PLCD1: variants seen among roughly 807,000 people sequenced by gnomAD.
PLCD1 encodes phospholipase C delta 1, also known as 1-phosphatidylinositol 4,5-bisphosphate phosphodiesterase delta-1.
Under a neutral mutation model 87.4 loss-of-function variants are expected in PLCD1, and 71 were observed. That is an observed-to-expected ratio of 0.81 (90% CI 0.67 to 0.99). The LOEUF (loss-of-function observed/expected upper bound fraction) is 0.99. Ranked by LOEUF, PLCD1 falls within the 50% of genes least tolerant of loss-of-function variation. The pLI is 0.00. For missense variants in PLCD1, 867 were observed against 1,001.5 expected, an observed-to-expected ratio of 0.87 and a Z score of 1.81; for synonymous variants, 348 against 399.2, an observed-to-expected ratio of 0.87 and a Z score of 1.53.
Position 38,022,777 on chromosome 3 carries a change from T to C in PLCD1, c.35-2425A>G, listed in dbSNP as rs187254397. Among the ~76,000 whole-genome samples the C allele has an allele frequency of 7.3e-4, 111 of 152,250 alleles. 1 individual carries two copies. In the East Asian group the frequency reaches 0.019, roughly 26 times the overall value. Reference sequence around the variant, plus strand: ...CTCTTAGCCTCATTTGGGGCCCTTCTGTTCCCAAAGCTTCTGGACTTCCTG... The same window carrying C: ...CTCTTAGCCTCATTTGGGGCCCTTCCGTTCCCAAAGCTTCTGGACTTCCTG... On this transcript the variant is annotated intron_variant, in intron 1 of 14. Coordinates refer to ENST00000334661, the MANE Select transcript of PLCD1 (RefSeq NM_006225.4).
Position 38,029,514 on chromosome 3 carries a change from G to A in PLCD1, c.26C>T (p.Thr9Ile), listed in dbSNP as rs1700341839. 1 of 1,539,250 alleles carries A rather than the reference G, an allele frequency of 6.5e-7. No homozygotes were observed. The highest frequency in any genetic ancestry group is 1.4e-5 in the African/African-American group (1 of 72,990). Residue 9 changes from threonine to isoleucine, a missense_variant, in exon 1 of 15, where the codon ACC (threonine) becomes ATC (isoleucine). By Grantham distance (89) the Thr-to-Ile change is moderately conservative (BLOSUM62 -1). Coordinates refer to ENST00000334661, the MANE Select transcript of PLCD1 (RefSeq NM_006225.4). Reference protein sequence around the residue: MDSGRDFLTLHGLQDDEDL... With the variant: MDSGRDFLILHGLQDDEDL... ...GCGGGCCAGGCACTCACCGTGCAGG[G>A]TCAGGAAGTCCCGGCCCGAGTCCAT...
rs1377962337 is a variant in PLCD1 at position 38,020,268 on chromosome 3, C to T, written c.119G>A (p.Arg40His). The change falls in exon 2 of 15, where the codon CGC (arginine) becomes CAC (histidine). Residue 40 changes from arginine to histidine, a missense_variant. Coordinates refer to ENST00000334661, the MANE Select transcript of PLCD1 (RefSeq NM_006225.4). Reference protein sequence around the residue: ...KVKSSSWRRERFYKLQEDCKT... With the variant: ...KVKSSSWRREHFYKLQEDCKT... ...GCAGTCCTCCTGCAACTTGTAGAAG[C>T]GCTCTCTCCTCCATGAGCTGGACTT... is the stretch of plus-strand genomic sequence containing the variant. 1.1e-5 allele frequency: 17 copies of T among 1,613,892 alleles called. No homozygotes were observed. The highest frequency in any genetic ancestry group is 2.2e-5 in the East Asian group (1 of 44,886).
chr3:38,018,010 C>A lies in PLCD1; in HGVS notation c.200-1291G>T, dbSNP rs1345074999. ...TGGGACCCCCACCCAAGGCCAGCGC[C>A]CTCACCCACACAGAGAGAAAGTCCA... On this transcript the variant is annotated intron_variant, in intron 2 of 14. Coordinates refer to ENST00000334661, the MANE Select transcript of PLCD1 (RefSeq NM_006225.4). This position sits in a 1 kb window ranked among gnomAD's most constrained non-coding sequence, Gnocchi z 5.7. Among the ~76,000 whole-genome samples, 1 of 152,196 alleles carries A rather than the reference C, an allele frequency of 6.6e-6. No individual in the cohort carries two copies. The highest frequency in any genetic ancestry group is 1.5e-5 in the Non-Finnish European group (1 of 68,018).
At chr3:38,027,350 C>T (rs1700320369) in intron 1 of PLCD1, among the ~76,000 whole-genome samples, 1 of 152,214 alleles carries the variant, frequency 6.6e-6, no homozygotes, top group African/African-American at 2.4e-5. Flanking sequence ...AGGCACTGTT[C>T]TAACTGCTGT....
At chr3:38,020,805 G>C (rs1700222388) in intron 1 of PLCD1, among the ~76,000 whole-genome samples, 1 of 152,180 alleles carries the variant, frequency 6.6e-6, no homozygotes. Flanking sequence ...AGGCAAAGCA[G>C]GGAGATAAAA....
intron 1 of PLCD1, chr3:38,024,329 C>T: frequency 1.2e-6 from 2 of 1,611,778 alleles, no homozygotes; most frequent in Non-Finnish European, 1.7e-6. Context: ...GTGCTCTGCG[C>T]CCCTTACCCA....
intron 14 of PLCD1, 28 bp from the exon 15 acceptor site, chr3:38,007,886 A>C (rs376102247): frequency 6.8e-6 from 11 of 1,610,338 alleles, no homozygotes; most frequent in Non-Finnish European, 9.3e-6. Flanking sequence ...AGGAGGGAAC[A>C]CAGAGAGAGT....
In PLCD1 at chr3:38,016,641, TCGGGCACATCA is replaced by T; in HGVS notation, c.267_277del (p.Asp90GlyfsTer24). On this transcript the variant is annotated frameshift_variant, in exon 3 of 15. Transcript: ENST00000334661. LOFTEE classifies it high-confidence loss of function. ...GAAGACAATGGAGAAGCAGCGGTCC[TCGGGCACATCA>T]CGGGCGAACTTCTCCAGACCCTCCG... 6.2e-7 allele frequency: 1 copy of T among 1,607,900 alleles called. No homozygotes were observed. The highest frequency in any genetic ancestry group is 8.5e-7 in the Non-Finnish European group (1 of 1,176,994).
In PLCD1 at chr3:38,016,649, A is replaced by G; in HGVS notation, c.270T>C (p.Asp90=). The part of the protein sequence containing the change: ...RTEGLEKFAR[D]VPEDRCFSIV... The stretch of plus-strand genomic sequence containing the variant: ...TGGAGAAGCAGCGGTCCTCGGGCAC[A>G]TCACGGGCGAACTTCTCCAGACCCT... The change falls in exon 3 of 15, where the codon GAT becomes GAC. Residue 90 remains aspartate, a synonymous_variant. Coordinates refer to ENST00000334661, the MANE Select transcript of PLCD1 (RefSeq NM_006225.4). 6.2e-7 allele frequency: 1 copy of G among 1,602,500 alleles called. No homozygotes were observed. Among genetic ancestry groups the G allele is most frequent in the South Asian group, 1.1e-5 (1 of 89,346 alleles).
Position 38,007,736 on chromosome 3 carries a change from A to G in PLCD1, c.*37T>C. On this transcript the variant is annotated 3_prime_UTR_variant, in exon 15 of 15. Coordinates refer to ENST00000334661, the MANE Select transcript of PLCD1 (RefSeq NM_006225.4). Reference sequence around the variant, plus strand: ...GTCCCCACATGTGGACAGAGGGCCCAGCCCACTCAGGGGGGACCCCACTGG... The same window carrying G: ...GTCCCCACATGTGGACAGAGGGCCCGGCCCACTCAGGGGGGACCCCACTGG... 1 of 1,486,800 alleles carries G rather than the reference A, an allele frequency of 6.7e-7. No individual in the cohort carries two copies. The highest frequency in any genetic ancestry group is 9.4e-7 in the Non-Finnish European group (1 of 1,064,350). 92.1% of individuals were successfully genotyped at this position (1,486,800 alleles called of 1,614,324 possible).
rs1042615562 is a variant in PLCD1, at chr3:38,010,511, G to T, written c.842C>A (p.Ser281Ter). Residue 281 changes from serine (S) to a stop codon, truncating the protein, a stop_gained, in exon 6 of 15, where the codon TCG (serine) becomes TAG (stop). Coordinates refer to ENST00000334661, the MANE Select transcript of PLCD1 (RefSeq NM_006225.4). LOFTEE classifies it high-confidence loss of function. ...TKDGFLMYLL[S>*]ADGSAFSLAH... ...CAGGCTGAAGGCGCTGCCGTCAGCCGACAGTAAGTACATGAGGAAGCCGTC... is the reference window on the plus strand; with the variant it reads ...CAGGCTGAAGGCGCTGCCGTCAGCCTACAGTAAGTACATGAGGAAGCCGTC... 6.2e-7 allele frequency: 1 copy of T among 1,614,120 alleles called. No homozygotes were observed. Among genetic ancestry groups the T allele is most frequent in the Admixed American group, 1.7e-5 (1 of 60,032 alleles).
chr3:38,010,541 G>C lies in PLCD1; in HGVS notation c.812C>G (p.Thr271Ser). ...TAAGTACATGAGGAAGCCGTCCTTG[G>C]TCATCTGCCGCTGCGCCTTGGCTGG... ...SETAKAQRQM[T>S]KDGFLMYLLS... Residue 271 changes from threonine (T) to serine (S), a missense_variant, in exon 6 of 15, where the codon ACC becomes AGC. Coordinates refer to ENST00000334661, the MANE Select transcript of PLCD1 (RefSeq NM_006225.4). The C allele has an allele frequency of 6.2e-7, 1 of 1,613,850 alleles. No individual in the cohort carries two copies. The highest frequency in any genetic ancestry group is 8.5e-7 in the Non-Finnish European group (1 of 1,179,884).
chr3:38,009,930 C>A lies in PLCD1; in HGVS notation c.1261G>T (p.Val421Phe), dbSNP rs2125543915. ...PMLLNRPLDG[V>F]TNSLPSPEQL... ...TCAGGGGAGGGCAGGCTGTTGGTGA[C>A]CCCATCCAGTGGTCGGTTCAACAGC... The change falls in exon 8 of 15, where the codon GTC (valine) becomes TTC (phenylalanine). Residue 421 changes from valine to phenylalanine, a missense_variant. Coordinates refer to ENST00000334661, the MANE Select transcript of PLCD1 (RefSeq NM_006225.4). 1 of 1,611,888 alleles carries A rather than the reference C, an allele frequency of 6.2e-7. No individual in the cohort carries two copies. Among genetic ancestry groups the A allele is most frequent in the South Asian group, 1.1e-5 (1 of 90,778 alleles).
chr3:38,010,058 A>G lies in PLCD1; in HGVS notation c.1138-5T>C. 5 of 1,614,166 alleles carry G rather than the reference A, an allele frequency of 3.1e-6. No individual in the cohort carries two copies. Among genetic ancestry groups the G allele is most frequent in the Non-Finnish European group, 4.2e-6 (5 of 1,179,994 alleles). On this transcript the variant is annotated splice_region_variant and splice_polypyrimidine_tract_variant and intron_variant, in intron 7 of 14. Transcript: ENST00000334661. ...GATGACAGGGTAGGGGGACGCCTGG[A>G]GGCCCAAGGGCACATTAGGAGTGGT...
chr3:38,020,252 C>T lies in PLCD1; in HGVS notation c.135G>A (p.Gln45=), dbSNP rs1700213746. The change falls in exon 2 of 15, where the codon CAG becomes CAA. Residue 45 remains glutamine, a synonymous_variant. Transcript: ENST00000334661. ...CCTGCCAGATGGTCTTGCAGTCCTC[C>T]TGCAACTTGTAGAAGCGCTCTCTCC... ...SWRRERFYKL[Q]EDCKTIWQES... 7 of 1,614,136 alleles carry T rather than the reference C, an allele frequency of 4.3e-6. No individual in the cohort carries two copies. The highest frequency in any genetic ancestry group is 5.1e-6 in the Non-Finnish European group (6 of 1,180,014).
chr3:38,009,842 C>G (rs1700039943), intron 8 of PLCD1, 31 bp from the exon 9 acceptor site: 2 of 1,613,050 alleles, frequency 1.2e-6, no homozygotes, highest in South Asian at 2.2e-5. Context: ...GGTCAAGACA[C>G]ACCTAGCGCC....
chr3:38,016,444 C>T (rs1279175235), intron 3 of PLCD1, 47 bp downstream of exon 3: 1 of 1,328,424 alleles, frequency 7.5e-7, no homozygotes, highest in East Asian at 2.3e-5. Flanking sequence ...ATAACCACAG[C>T]CAGTGTCCAC....
chr3:38,024,885 G>A, intron 1 of PLCD1: 1 of 393,138 alleles, frequency 2.5e-6, no homozygotes, highest in Non-Finnish European at 4.3e-6. Flanking sequence ...GAGTGGTGTC[G>A]AGGCGTGGGT....
Position 38,029,636 on chromosome 3 carries a change from C to G in PLCD1, c.-97G>C. 9.0e-7 allele frequency: 1 copy of G among 1,105,262 alleles called. No homozygotes were observed. Among genetic ancestry groups the G allele is most frequent in the Non-Finnish European group, 1.3e-6 (1 of 772,800 alleles). The allele number at this position is 1,105,262 out of a possible 1,614,324, so 68.5% of individuals were successfully genotyped here. ...GTCCGAGCGGAGTGCGGTGCAGGGA[C>G]CTGAATGGACCGCGGTGGGAGGAGG... On this transcript the variant is annotated 5_prime_UTR_variant, in exon 1 of 15. Coordinates refer to ENST00000334661, the MANE Select transcript of PLCD1 (RefSeq NM_006225.4).
Sources: gnomAD v4.1 joint callset for allele counts (sites outside exome capture counted in the v4.1 genomes callset) on GRCh38, gnomAD v4.1.1 for gene constraint, Gnocchi (gnomAD v3.1) non-coding constraint, MANE v1.5 for transcripts, NCBI Gene and HGNC (gene_info 2026-07-23, HGNC 2026-07-21) for gene names.